Variants in GPC5 observed in about 807,000 individuals in gnomAD.
GPC5 encodes the protein glypican 5.
GPC5 carries 47 observed loss-of-function variants against 53.9 expected under a neutral mutation model. The observed-to-expected ratio is 0.87, with a 90% CI of 0.69 to 1.11. The LOEUF is 1.11. Ranked by LOEUF, GPC5 falls within the 50% of genes most tolerant of loss-of-function variation. The pLI, the probability that GPC5 is intolerant of heterozygous loss-of-function variation, is 0.00. For missense variants in GPC5, 748 were observed against 713.1 expected (o/e 1.05, Z -0.56); for synonymous variants, 286 against 263.3 (o/e 1.09, Z -0.84).
chr13:92,580,349 T>A (rs1186841765), intron 7 of GPC5, among the ~76,000 whole-genome samples: 6 of 152,188 alleles, frequency 3.9e-5, no homozygotes, highest in Non-Finnish European at 7.3e-5. Flanking sequence ...TCCAAATTAG[T>A]CCAATGAGTT....
chr13:92,737,544 A>G (rs1427800475), intron 7 of GPC5, among the ~76,000 whole-genome samples: 1 of 152,206 alleles, frequency 6.6e-6, no homozygotes. Flanking sequence ...GGTTTTATTC[A>G]GAAGTGTGAT....
At chr13:92,517,082 T>G (rs1353051638) in intron 7 of GPC5, among the ~76,000 whole-genome samples, 1 of 152,112 alleles carries the variant, frequency 6.6e-6, no homozygotes, top group Non-Finnish European at 1.5e-5. Flanking sequence ...CAATCATTGC[T>G]AGCACATCAG....
At chr13:92,122,736 C>A (rs1385532056) in intron 6 of GPC5, among the ~76,000 whole-genome samples, 1 of 114,072 alleles carries the variant, frequency 8.8e-6, no homozygotes, top group African/African-American at 3.5e-5. Context: ...GCCTATAGGT[C>A]AGTCTTTTTT....
intron 1 of GPC5, among the ~76,000 whole-genome samples, chr13:91,426,172 A>G (rs1430414981): frequency 6.6e-6 from 1 of 152,156 alleles, no homozygotes; most frequent in South Asian, 2.1e-4. Flanking sequence ...AGAAATTTGC[A>G]TAAGTAATGA....
intron 5 of GPC5, among the ~76,000 whole-genome samples, chr13:91,773,084 C>A (rs9589354): frequency 0.012 from 1,849 of 152,246 alleles, 35 homozygotes; most frequent in African/African-American, 0.043. Context: ...GGGATTCCAT[C>A]TTGATGTACA....
chr13:91,834,668 G>A (rs1203864599), intron 5 of GPC5, among the ~76,000 whole-genome samples: 3 of 152,210 alleles, frequency 2.0e-5, no homozygotes, highest in Admixed American at 6.5e-5. Context: ...TTTAATAAAT[G>A]GTGTTAGGAA....
At chr13:91,762,938 AT>A (rs558879520) in intron 5 of GPC5, among the ~76,000 whole-genome samples, 17 of 151,650 alleles carry the variant, frequency 1.1e-4, no homozygotes, top group African/African-American at 3.6e-4. Context: ...CCTATAATAC[AT>A]TTTTTTTGCA....
chr13:91,654,318 T>C (rs1249018183), intron 2 of GPC5, among the ~76,000 whole-genome samples: 2 of 152,168 alleles, frequency 1.3e-5, no homozygotes, highest in African/African-American at 4.8e-5. Flanking sequence ...ATGAAGACAC[T>C]CATTACATTG....
chr13:92,627,344 A>G (rs1274517575), intron 7 of GPC5, among the ~76,000 whole-genome samples: 1 of 152,216 alleles, frequency 6.6e-6, no homozygotes, highest in Non-Finnish European at 1.5e-5. Context: ...TGGCAGCTAT[A>G]GTTTATAGAA....
chr13:91,417,518 G>C lies in GPC5; in HGVS notation c.163+18309G>C, dbSNP rs146092537. Among the ~76,000 whole-genome samples the C allele has an allele frequency of 3.9e-5, 6 of 152,312 alleles. No individual in the cohort carries two copies. In the East Asian group the frequency reaches 1.2e-3, roughly 29 times the overall value. ...GTGCTGCAACCATGGGTGCATTTGA[G>C]AAGGTCGAGGTAAGGGAAAGATTTT... On this transcript the variant is annotated intron_variant, in intron 1 of 7. Transcript: ENST00000377067.
At chr13:92,274,138 G>A (rs1435352501) in intron 7 of GPC5, among the ~76,000 whole-genome samples, 2 of 152,112 alleles carry the variant, frequency 1.3e-5, no homozygotes, top group Non-Finnish European at 2.9e-5. Flanking sequence ...TAATAATTTT[G>A]TAAAAGTTTA....
intron 7 of GPC5, among the ~76,000 whole-genome samples, chr13:92,519,549 A>C (rs2138965813): frequency 6.6e-6 from 1 of 152,366 alleles, no homozygotes; most frequent in South Asian, 2.1e-4. Context: ...AATGAAATGA[A>C]GGCAGAAATA....
At chr13:92,024,852 G>T (rs943253736) in intron 6 of GPC5, among the ~76,000 whole-genome samples, 1 of 152,066 alleles carries the variant, frequency 6.6e-6, no homozygotes, top group Non-Finnish European at 1.5e-5. Flanking sequence ...TTATGGCTAT[G>T]GGTATAAAAA....
intron 6 of GPC5, among the ~76,000 whole-genome samples, chr13:91,914,674 G>GTATAATATATATCTTATT (rs771735864): frequency 6.7e-6 from 1 of 148,810 alleles, no homozygotes; most frequent in Non-Finnish European, 1.5e-5. Flanking sequence ...TTAGGATACC[G>GTATAATATATATCTTATT]ATATAATAAA....
chr13:91,696,103 TG>T (rs1339532252), intron 3 of GPC5, among the ~76,000 whole-genome samples: 2 of 152,316 alleles, frequency 1.3e-5, no homozygotes, highest in East Asian at 3.9e-4. Flanking sequence ...GGTAGGCAGT[TG>T]GTACCTGATA....
chr13:92,504,487 A>G (rs1880296515), intron 7 of GPC5, among the ~76,000 whole-genome samples: 1 of 152,066 alleles, frequency 6.6e-6, no homozygotes, highest in African/African-American at 2.4e-5. Flanking sequence ...ATAAAACTTG[A>G]TTCTAAAATG....
intron 7 of GPC5, among the ~76,000 whole-genome samples, chr13:92,845,133 A>AG (rs1410374277): frequency 3.3e-5 from 5 of 152,050 alleles, no homozygotes; most frequent in South Asian, 4.1e-4. Flanking sequence ...GTGATCTATA[A>AG]GGGAAAAAAA....
At chr13:92,572,151 A>C (rs1404561538) in intron 7 of GPC5, among the ~76,000 whole-genome samples, 1 of 152,230 alleles carries the variant, frequency 6.6e-6, no homozygotes, top group East Asian at 1.9e-4. Flanking sequence ...AGATATTTGA[A>C]AATAAGCATG....
chr13:91,873,410 C>A (rs999909124), intron 5 of GPC5, among the ~76,000 whole-genome samples: 5 of 152,108 alleles, frequency 3.3e-5, no homozygotes, highest in Non-Finnish European at 7.4e-5. Context: ...TGTAACCCCC[C>A]ACAATTCCCA....
Sources: gnomAD v4.1 joint callset for allele counts (sites outside exome capture counted in the v4.1 genomes callset) on GRCh38, gnomAD v4.1.1 for gene constraint, MANE v1.5 for transcripts, NCBI Gene and HGNC (gene_info 2026-07-23, HGNC 2026-07-21) for gene names.